The following NEBL variants were observed in gnomAD, a reference collection of about 807,000 sequenced individuals.
NEBL encodes LIM and SH3 protein 2.
NEBL carries 122 observed loss-of-function variants against 140.2 expected under a neutral mutation model. The observed-to-expected ratio is 0.87, with a 90% CI of 0.75 to 1.01. The LOEUF (loss-of-function observed/expected upper bound fraction) is 1.01. Among genes scored for constraint, NEBL ranks in the 50% least tolerant of loss-of-function variants. NEBL has a pLI of 0.00. For synonymous variants in NEBL, 436 were observed against 398.9 expected, an observed-to-expected ratio of 1.09 and a Z score of -1.11; for missense variants, 1,365 against 1,231.3, an observed-to-expected ratio of 1.11 and a Z score of -1.62.
rs565742208 is a variant in NEBL, at chr10:20,817,656, T to C, written c.2092A>G (p.Ile698Val). The C allele has an allele frequency of 1.1e-5, 17 of 1,613,946 alleles. No homozygotes were observed. The African/African-American group carries it at 1.7e-4, about 16-fold the overall frequency. Residue 698 changes from isoleucine to valine, a missense_variant, in exon 21 of 28, where the codon ATT (isoleucine) becomes GTT (valine). Physicochemically the swap from Ile to Val is conservative, Grantham distance 29. This residue lies in a region of NEBL where 1,323 missense variants were observed against 1,154.8 expected (regional missense o/e 1.15). Transcript: ENST00000377122. ...YKGELQRGTA[I>V]SDPPELKRAK... is the part of the protein sequence containing the mutation. The stretch of plus-strand genomic sequence containing the variant: ...CTCTTCAGCTCTGGTGGATCAGAAA[T>C]TGCAGTTCCCCGTTGAAGTTCTCCC...
chr10:21,089,499 G>A (rs1020512346), intron 2 of NEBL, among the ~76,000 whole-genome samples: 26 of 152,128 alleles, frequency 1.7e-4, no homozygotes, highest in Non-Finnish European at 1.5e-5. Flanking sequence ...AAAGAGGTGG[G>A]GGGTGACACG....
At chr10:21,109,092 T>C (rs968319240) in intron 2 of NEBL, among the ~76,000 whole-genome samples, 4 of 152,180 alleles carry the variant, frequency 2.6e-5, no homozygotes, top group Non-Finnish European at 5.9e-5. Context: ...TCAAAGGGAA[T>C]GCTTCCAGCT....
intron 2 of NEBL, among the ~76,000 whole-genome samples, chr10:21,046,309 CATGATGACTACAGTTAATAACAATGTA>C (rs1834511477): frequency 2.6e-5 from 4 of 152,124 alleles, no homozygotes; most frequent in Admixed American, 2.6e-4. Context: ...TACTGTACAT[CATGATGACTACAGTTAATAACAATGTA>C]TTTTATACTT....
chr10:21,008,272 T>G (rs551616697), intron 3 of NEBL, among the ~76,000 whole-genome samples: 4 of 152,196 alleles, frequency 2.6e-5, no homozygotes, highest in Non-Finnish European at 5.9e-5. Context: ...CTAGTTTCAC[T>G]TTACACAGTC....
chr10:21,263,359 T>G (rs1588576821), intron 1 of NEBL, among the ~76,000 whole-genome samples: 1 of 151,608 alleles, frequency 6.6e-6, no homozygotes, highest in Non-Finnish European at 1.5e-5. Context: ...CCTAAGCTAA[T>G]AGAATTCTAG....
chr10:20,793,640 A>G (rs1836223769), intron 26 of NEBL, among the ~76,000 whole-genome samples: 2 of 150,126 alleles, frequency 1.3e-5, no homozygotes, highest in South Asian at 4.2e-4. Context: ...CGCAGCCTCC[A>G]TCTCCCAGGC....
At chr10:20,913,258 T>G (rs1848403817) in intron 4 of NEBL, among the ~76,000 whole-genome samples, 1 of 152,124 alleles carries the variant, frequency 6.6e-6, no homozygotes, top group Non-Finnish European at 1.5e-5. Flanking sequence ...GAGAACAATT[T>G]TGAAAGGCAC....
intron 9 of NEBL, among the ~76,000 whole-genome samples, chr10:20,857,624 A>G (rs1195301287): frequency 6.6e-6 from 1 of 152,144 alleles, no homozygotes; most frequent in African/African-American, 2.4e-5. Flanking sequence ...CTGATGTGCT[A>G]TGGGTTGAAA....
chr10:21,254,391 G>A (rs1746498064), intron 1 of NEBL, among the ~76,000 whole-genome samples: 1 of 152,012 alleles, frequency 6.6e-6, no homozygotes, highest in South Asian at 2.1e-4. Context: ...CAAATTTCTG[G>A]GATTACGGGC....
At chr10:20,845,042 G>A (rs952630163) in intron 12 of NEBL, among the ~76,000 whole-genome samples, 47 of 151,928 alleles carry the variant, frequency 3.1e-4, no homozygotes, top group African/African-American at 1.1e-3. Context: ...CAGGAAATCT[G>A]GGTAATTTCT....
chr10:20,799,924 CGTGT>C (rs145863273), intron 26 of NEBL, among the ~76,000 whole-genome samples: 40 of 149,484 alleles, frequency 2.7e-4, no homozygotes, highest in African/African-American at 4.6e-4. Flanking sequence ...CCATCTGGCA[CGTGT>C]GTGTGTGTGT....
intron 1 of NEBL, among the ~76,000 whole-genome samples, chr10:21,271,486 G>A (rs935014186): frequency 2.7e-5 from 4 of 150,926 alleles, no homozygotes; most frequent in Non-Finnish European, 5.9e-5. Context: ...CGATAATAAT[G>A]TTTGTATACT....
chr10:21,108,468 G>A (rs1016906365), intron 2 of NEBL, among the ~76,000 whole-genome samples: 4 of 152,106 alleles, frequency 2.6e-5, no homozygotes, highest in Non-Finnish European at 5.9e-5. Context: ...ATAGTTGTGC[G>A]CTTTTGAGGG....
Position 21,084,345 on chromosome 10 carries a change from G to C in NEBL, c.165-64144C>G, listed in dbSNP as rs367577847. Reference sequence around the variant, plus strand: ...TCAGTTACACTGTAACAGTTTTATGGGCAAGAGTCTATAGTTTGTTTCTCT... The same window carrying C: ...TCAGTTACACTGTAACAGTTTTATGCGCAAGAGTCTATAGTTTGTTTCTCT... On this transcript the variant is annotated intron_variant, in intron 2 of 6. Transcript: ENST00000417816. Among the ~76,000 whole-genome samples the C allele has an allele frequency of 7.2e-5, 11 of 152,168 alleles. No homozygotes were observed. The East Asian group carries it at 1.5e-3, about 21-fold the overall frequency.
chr10:21,177,004 G>GA (rs1841311305), upstream of NEBL, among the ~76,000 whole-genome samples: 1 of 152,176 alleles, frequency 6.6e-6, no homozygotes, highest in African/African-American at 2.4e-5. Context: ...CAATGGCTTT[G>GA]ACTAATACCA....
intron 2 of NEBL, among the ~76,000 whole-genome samples, chr10:21,130,974 T>C (rs927452891): frequency 4.6e-5 from 7 of 151,772 alleles, no homozygotes; most frequent in African/African-American, 1.7e-4. Flanking sequence ...TTTGAAAAGA[T>C]AATAAAATCA....
chr10:21,093,957 A>G (rs1324224252), intron 2 of NEBL, among the ~76,000 whole-genome samples: 1 of 152,212 alleles, frequency 6.6e-6, no homozygotes, highest in Admixed American at 6.5e-5. Context: ...TTTGTGAAAG[A>G]CTATTTTCCA....
chr10:21,009,861 C>T (rs562200959), intron 3 of NEBL, among the ~76,000 whole-genome samples: 1 of 152,218 alleles, frequency 6.6e-6, no homozygotes, highest in African/African-American at 2.4e-5. Context: ...ATAATTTCTG[C>T]TTAAAATATA....
intron 4 of NEBL, among the ~76,000 whole-genome samples, chr10:20,918,577 C>T (rs1319717672): frequency 6.6e-6 from 1 of 151,368 alleles, no homozygotes; most frequent in Non-Finnish European, 1.5e-5. Flanking sequence ...GGGCCGGGCA[C>T]GGCTGGCTCA....
Sources: gnomAD v4.1 joint callset for allele counts (sites outside exome capture counted in the v4.1 genomes callset) on GRCh38, gnomAD v4.1.1 for gene constraint, gnomAD v4.1.1 regional missense constraint, MANE v1.5 for transcripts, NCBI Gene and HGNC (gene_info 2026-07-23, HGNC 2026-07-21) for gene names.